The following PCDHA5 variants were observed in gnomAD, a reference collection of about 807,000 sequenced individuals.
The protein encoded by PCDHA5 is protocadherin alpha-5.
Under a neutral mutation model 61.6 loss-of-function variants are expected in PCDHA5, and 43 were observed. The ratio of observed to expected loss-of-function variants is 0.70; its 90% confidence interval spans 0.55 to 0.90. PCDHA5 has a LOEUF of 0.90. PCDHA5 is among the 40% of genes least tolerant of loss of function. The probability of loss-of-function intolerance (pLI) is 0.00; values close to 1 mark genes in which losing one functional copy is unlikely to be tolerated. For synonymous variants in PCDHA5, 627 were observed against 543.9 expected, an observed-to-expected ratio of 1.15 and a Z score of -2.13; for missense variants, 1,298 against 1,222.7, an observed-to-expected ratio of 1.06 and a Z score of -0.92.
chr5:140,943,525 T>C (rs891940980), intron 1 of PCDHA5, among the ~76,000 whole-genome samples: 7 of 152,148 alleles, frequency 4.6e-5, no homozygotes, highest in African/African-American at 7.2e-5. Flanking sequence ...GAGTTCAGTA[T>C]GCAAAATGTC....
intron 1 of PCDHA5, chr5:140,830,000 C>A: frequency 6.2e-7 from 1 of 1,613,984 alleles, no homozygotes; most frequent in South Asian, 1.1e-5. Context: ...CACTCGTGTC[C>A]TGGACGAAGC....
chr5:140,870,397 C>T (rs1554164199), intron 1 of PCDHA5: 2 of 1,614,230 alleles, frequency 1.2e-6, no homozygotes, highest in South Asian at 1.1e-5. Flanking sequence ...TGGGGGTTCG[C>T]CTTCTCTGTG....
At chr5:140,904,447 C>T (rs2071139964) in intron 1 of PCDHA5, among the ~76,000 whole-genome samples, 1 of 151,118 alleles carries the variant, frequency 6.6e-6, no homozygotes, top group Non-Finnish European at 1.5e-5. Flanking sequence ...ATTACAATTT[C>T]TTTATACACT....
chr5:140,829,381 G>T lies in PCDHA5; in HGVS notation c.2352+5254G>T. On this transcript the variant is annotated intron_variant, in intron 1 of 3. Coordinates refer to ENST00000529859, the MANE Select transcript of PCDHA5 (RefSeq NM_018908.3). ...AGTTGGTGGTAACCGCGCGGGACGG[G>T]GGCTCGCCTTCGCTGTGGGCCACCG... The T allele has an allele frequency of 1.9e-6, 3 of 1,614,200 alleles. No individual in the cohort carries two copies. In the South Asian group the frequency reaches 3.3e-5, roughly 18 times the overall value.
intron 1 of PCDHA5, among the ~76,000 whole-genome samples, chr5:140,976,828 C>G (rs935294640): frequency 6.6e-6 from 1 of 152,262 alleles, no homozygotes; most frequent in Admixed American, 6.5e-5. Flanking sequence ...GTCTAATGAG[C>G]AAAACAGATA....
At position 140,842,583 on chromosome 5, in the gene PCDHA5, A is replaced by G. The variant is rs2150339895; in HGVS notation, c.2352+18456A>G. ...CTGGACCGCGAGAGAGTGTCGGCCT[A>G]TGAGTTGGTGGTAACCGCGCGGGAC... On this transcript the variant is annotated intron_variant, in intron 1 of 3. Transcript: ENST00000529859. The G allele has an allele frequency of 3.9e-5, 59 of 1,520,170 alleles. 7 individuals are homozygous for G. The highest frequency in any genetic ancestry group is 5.2e-5 in the Non-Finnish European group (58 of 1,118,060). The allele number at this position is 1,520,170 out of a possible 1,614,324, so 94.2% of individuals were successfully genotyped here.
At chr5:140,927,378 C>T in intron 1 of PCDHA5, 3 of 1,614,110 alleles carry the variant, frequency 1.9e-6, no homozygotes, top group Non-Finnish European at 2.5e-6. Flanking sequence ...TAAGCTACAG[C>T]CTAAGCCCCA....
chr5:140,876,976 C>A (rs782283591), intron 1 of PCDHA5: 2 of 1,612,586 alleles, frequency 1.2e-6, no homozygotes, highest in Admixed American at 1.7e-5. Context: ...GGTGGGCGAG[C>A]ACGCACTGTC....
intron 1 of PCDHA5, among the ~76,000 whole-genome samples, chr5:140,890,543 C>T (rs1388914629): frequency 6.6e-6 from 1 of 152,012 alleles, no homozygotes; most frequent in Non-Finnish European, 1.5e-5. Context: ...TTTGAAATGA[C>T]TGAGTACTTT....
intron 1 of PCDHA5, chr5:140,882,264 G>C: frequency 6.2e-7 from 1 of 1,609,300 alleles, no homozygotes; most frequent in Non-Finnish European, 8.5e-7. Context: ...TTTTTGGAGT[G>C]TACCATGCTG....
At chr5:140,824,614 T>TTTTTTTTTTG (rs1768229556) in intron 1 of PCDHA5, 1 of 124,554 alleles carries the variant, frequency 8.0e-6, no homozygotes, top group Admixed American at 7.7e-5. Context: ...ATTAAAGTTT[T>TTTTTTTTTTG]TTTTTTTTTT....
intron 1 of PCDHA5, among the ~76,000 whole-genome samples, chr5:140,895,900 G>A (rs540029399): frequency 1.3e-3 from 196 of 152,038 alleles, no homozygotes; most frequent in African/African-American, 4.6e-3. Context: ...CAACCTCCGC[G>A]TCCCGGGCTC....
rs1305500600 is a variant in PCDHA5, at chr5:140,846,627, G to A, written c.2352+22500G>A. On this transcript the variant is annotated intron_variant, in intron 1 of 3. Transcript: ENST00000529859. Reference sequence around the variant, plus strand: ...CTGACCTCCTGATCCGCCCACTTCGGCCTCCTAAAGTGCTGGGATTACAGG... The same window carrying A: ...CTGACCTCCTGATCCGCCCACTTCGACCTCCTAAAGTGCTGGGATTACAGG... Among the ~76,000 whole-genome samples, 7 of 148,870 alleles carry A rather than the reference G, an allele frequency of 4.7e-5. No individual in the cohort carries two copies. In the Admixed American group the frequency reaches 4.7e-4, roughly 10 times the overall value.
rs2150130181 is a variant in PCDHA5, at chr5:140,823,906, G to T, written c.2131G>T (p.Val711Leu). The T allele has an allele frequency of 1.9e-6, 3 of 1,613,906 alleles. No homozygotes were observed. Among genetic ancestry groups the T allele is most frequent in the East Asian group, 2.2e-5 (1 of 44,884 alleles). The change falls in exon 1 of 4, where the codon GTG becomes TTG. Residue 711 changes from valine to leucine, a missense_variant. Val to Leu is a conservative substitution (Grantham distance 32). Coordinates refer to ENST00000529859, the MANE Select transcript of PCDHA5 (RefSeq NM_018908.3). The stretch of plus-strand genomic sequence containing the variant: ...CATCTGTGCGGTGTCCAGCCTGCTG[G>T]TGCTCACGCTGCTGCTGTACACCGC... Reference protein sequence around the residue: ...IAICAVSSLLVLTLLLYTALR... With the variant: ...IAICAVSSLLLLTLLLYTALR...
intron 1 of PCDHA5, among the ~76,000 whole-genome samples, chr5:140,937,708 C>G (rs535447052): frequency 6.6e-6 from 1 of 151,944 alleles, no homozygotes; most frequent in South Asian, 2.1e-4. Flanking sequence ...GTCAGGAGAT[C>G]AAGACCATCC....
chr5:140,941,255 C>CTT (rs782490896), intron 1 of PCDHA5, among the ~76,000 whole-genome samples: 1,945 of 44,372 alleles, frequency 0.044, 20 homozygotes, highest in African/African-American at 0.075. Flanking sequence ...TTCTTTCTTT[C>CTT]TCTTTCTTTC....
chr5:140,828,071 A>G (rs2150150586), intron 1 of PCDHA5: 1 of 1,566,150 alleles, frequency 6.4e-7, no homozygotes, highest in Non-Finnish European at 8.6e-7. Flanking sequence ...TCTAATGGAA[A>G]TAAAACCAGA....
chr5:140,944,472 G>C (rs1554216383), intron 1 of PCDHA5, among the ~76,000 whole-genome samples: 2 of 152,220 alleles, frequency 1.3e-5, no homozygotes, highest in Non-Finnish European at 2.9e-5. Context: ...CAGGTATGAG[G>C]CACTGGACTG....
rs2150325342 is a variant in PCDHA5, at chr5:140,841,910, A to T, written c.2352+17783A>T. 3.1e-6 allele frequency: 5 copies of T among 1,613,810 alleles called. No individual in the cohort carries two copies. In the African/African-American group the frequency reaches 6.7e-5, roughly 22 times the overall value. ...GAATAAACTGGTTGAGCTCGTATTA[A>T]GAAAATCCTTGGACAGAGAGGACGC... is the stretch of plus-strand genomic sequence containing the variant. On this transcript the variant is annotated intron_variant, in intron 1 of 3. Coordinates refer to ENST00000529859, the MANE Select transcript of PCDHA5 (RefSeq NM_018908.3).
Sources: gnomAD v4.1 joint callset for allele counts (sites outside exome capture counted in the v4.1 genomes callset) on GRCh38, gnomAD v4.1.1 for gene constraint, MANE v1.5 for transcripts, NCBI Gene and HGNC (gene_info 2026-07-23, HGNC 2026-07-21) for gene names.